Variants in HSD17B12 observed in about 807,000 individuals in gnomAD.
HSD17B12 encodes very-long-chain 3-oxoacyl-CoA reductase.
HSD17B12 carries 32 observed loss-of-function variants against 39.3 expected under a neutral mutation model. That is an observed-to-expected ratio of 0.81 (90% CI 0.61 to 1.09). The LOEUF (loss-of-function observed/expected upper bound fraction) is 1.09, where lower values mean the gene tolerates loss of function less well. Among genes scored for constraint, HSD17B12 ranks in the 50% least tolerant of loss-of-function variants. The pLI, the probability that HSD17B12 is intolerant of heterozygous loss-of-function variation, is 0.00. For synonymous variants in HSD17B12, 150 were observed against 146.7 expected, an observed-to-expected ratio of 1.02 and a Z score of -0.16; for missense variants, 342 against 382.9, an observed-to-expected ratio of 0.89 and a Z score of 0.89.
chr11:43,718,586 C>G (rs1347673547), intron 1 of HSD17B12: 1 of 540,322 alleles, frequency 1.9e-6, no homozygotes, highest in Non-Finnish European at 3.3e-6. Flanking sequence ...AAGCACTGTT[C>G]CATAGCAATT....
rs185292505 is a variant in HSD17B12, at chr11:43,715,155, C to T, written c.160+34168C>T. ...TGATTGCCCTCGCCAGAACTTCCAA[C>T]ACTATGTTGAATAGGAGTGGTGAGA... On this transcript the variant is annotated intron_variant, in intron 1 of 10. Coordinates refer to ENST00000278353, the MANE Select transcript of HSD17B12 (RefSeq NM_016142.3). Among the ~76,000 whole-genome samples the T allele has an allele frequency of 8.1e-4, 124 of 152,186 alleles. 1 individual carries two copies. The highest frequency in any genetic ancestry group is 2.9e-3 in the African/African-American group (122 of 41,520).
At chr11:43,793,050 A>G (rs577429965) in intron 3 of HSD17B12, among the ~76,000 whole-genome samples, 1 of 152,282 alleles carries the variant, frequency 6.6e-6, no homozygotes, top group South Asian at 2.1e-4. Flanking sequence ...CAAATATGAC[A>G]AATAATGCTC....
intron 9 of HSD17B12, among the ~76,000 whole-genome samples, chr11:43,847,164 C>G (rs1288755008): frequency 6.6e-6 from 1 of 152,118 alleles, no homozygotes; most frequent in East Asian, 1.9e-4. Context: ...TGTTGCTCTC[C>G]GTCACGCAGT....
the HSD17B12 span, among the ~76,000 whole-genome samples, chr11:43,624,176 A>G: frequency 6.6e-6 from 1 of 152,010 alleles, no homozygotes; most frequent in Non-Finnish European, 1.5e-5. Flanking sequence ...GAAGAGGGCC[A>G]TAGGATTTGA....
chr11:43,725,015 G>A (rs531693827), intron 1 of HSD17B12, among the ~76,000 whole-genome samples: 1 of 152,178 alleles, frequency 6.6e-6, no homozygotes, highest in Non-Finnish European at 1.5e-5. Context: ...GCTACTTGAG[G>A]GCCCAATATA....
the HSD17B12 span, among the ~76,000 whole-genome samples, chr11:43,586,806 TA>T: frequency 2.0e-5 from 3 of 152,234 alleles, no homozygotes; most frequent in Admixed American, 2.0e-4. Context: ...AACATGGGAA[TA>T]GTAGTCATGC....
chr11:43,619,199 A>T, the HSD17B12 span, among the ~76,000 whole-genome samples: 3 of 40,160 alleles, frequency 7.5e-5, no homozygotes, highest in African/African-American at 1.7e-4. Flanking sequence ...TATATATATG[A>T]TATATATATA....
intron 1 of HSD17B12, among the ~76,000 whole-genome samples, chr11:43,693,026 C>G (rs976900935): frequency 2.6e-5 from 4 of 152,146 alleles, no homozygotes; most frequent in African/African-American, 9.7e-5. Context: ...AGAAGAGAAT[C>G]ATGATAGAAT....
At chr11:43,820,228 A>C (rs921991977) in intron 6 of HSD17B12, among the ~76,000 whole-genome samples, 3 of 152,172 alleles carry the variant, frequency 2.0e-5, no homozygotes, top group Admixed American at 6.6e-5. Flanking sequence ...AAAGCCTTCA[A>C]GTAGATGTAA....
At chr11:43,627,793 T>C in the HSD17B12 span, among the ~76,000 whole-genome samples, 2 of 151,982 alleles carry the variant, frequency 1.3e-5, no homozygotes, top group African/African-American at 4.8e-5. Context: ...ACTTTTACTG[T>C]AAATAATAAT....
chr11:43,734,647 AC>A, intron 1 of HSD17B12: 1 of 262,402 alleles, frequency 3.8e-6, no homozygotes, highest in African/African-American at 2.2e-5. Context: ...TTCTGCCCCC[AC>A]CCCAGAAATC....
intron 1 of HSD17B12, among the ~76,000 whole-genome samples, chr11:43,748,476 G>A (rs1950436413): frequency 6.6e-6 from 1 of 151,752 alleles, no homozygotes; most frequent in Admixed American, 6.6e-5. Flanking sequence ...GGAGGGAAAG[G>A]GGGTGAGTTG....
the HSD17B12 span, among the ~76,000 whole-genome samples, chr11:43,620,154 ATGTCT>A: frequency 6.6e-6 from 1 of 152,208 alleles, no homozygotes; most frequent in Non-Finnish European, 1.5e-5. Flanking sequence ...AGGCCTCTCA[ATGTCT>A]GTAAGTTTCA....
intron 1 of HSD17B12, among the ~76,000 whole-genome samples, chr11:43,718,047 C>T (rs948999100): frequency 1.1e-4 from 16 of 152,108 alleles, no homozygotes; most frequent in Admixed American, 3.3e-4. Context: ...TCAAGCAATC[C>T]ACCCGCCTTG....
At chr11:43,760,310 A>G (rs1161860053) in intron 3 of HSD17B12, among the ~76,000 whole-genome samples, 1 of 152,136 alleles carries the variant, frequency 6.6e-6, no homozygotes, top group South Asian at 2.1e-4. Context: ...TTGGCCCCCC[A>G]AAGTGCTGGG....
chr11:43,571,298 T>G, the HSD17B12 span, among the ~76,000 whole-genome samples: 1 of 152,228 alleles, frequency 6.6e-6, no homozygotes, highest in Non-Finnish European at 1.5e-5. Context: ...CTTTTCTCTC[T>G]GTGGCCATGC....
the HSD17B12 span, among the ~76,000 whole-genome samples, chr11:43,596,260 G>T: frequency 6.6e-6 from 1 of 152,112 alleles, no homozygotes; most frequent in African/African-American, 2.4e-5. Flanking sequence ...AAAATTTGGA[G>T]AGAACTGTGA....
Position 43,729,414 on chromosome 11 carries a change from A to T in HSD17B12, c.161-21497A>T, listed in dbSNP as rs182831418. Among the ~76,000 whole-genome samples, 63 of 152,340 alleles carry T rather than the reference A, an allele frequency of 4.1e-4. 1 individual carries two copies. The East Asian group carries it at 0.011, about 27-fold the overall frequency. ...AGGTGAGTAGGTCTGTAACAGCACA[A>T]CTATAACTTCAGGCATCAGAGAAGT... On this transcript the variant is annotated intron_variant, in intron 1 of 10. Coordinates refer to ENST00000278353, the MANE Select transcript of HSD17B12 (RefSeq NM_016142.3).
chr11:43,740,316 A>G (rs1398424281), intron 1 of HSD17B12, among the ~76,000 whole-genome samples: 1 of 152,174 alleles, frequency 6.6e-6, no homozygotes, highest in East Asian at 1.9e-4. Context: ...TATCAGTGAC[A>G]TACCTTGAGC....
Sources: gnomAD v4.1 joint callset for allele counts (sites outside exome capture counted in the v4.1 genomes callset) on GRCh38, gnomAD v4.1.1 for gene constraint, MANE v1.5 for transcripts, NCBI Gene and HGNC (gene_info 2026-07-23, HGNC 2026-07-21) for gene names.